The following PCDHGA4 variants were observed in gnomAD, a reference collection of about 807,000 sequenced individuals.
PCDHGA4 encodes the protein protocadherin gamma-A4.
A neutral mutation model predicts 54.6 loss-of-function variants in PCDHGA4; 38 were observed. That is an observed-to-expected ratio of 0.70 (90% CI 0.54 to 0.91). The LOEUF (loss-of-function observed/expected upper bound fraction) is 0.91. Ranked by LOEUF, PCDHGA4 falls within the 40% of genes least tolerant of loss-of-function variation. The probability of loss-of-function intolerance (pLI) is 0.00; values close to 1 mark genes in which losing one functional copy is unlikely to be tolerated. For synonymous variants in PCDHGA4, 511 were observed against 512.9 expected, an observed-to-expected ratio of 1.00 and a Z score of 0.05; for missense variants, 1,298 against 1,220.9, an observed-to-expected ratio of 1.06 and a Z score of -0.94.
chr5:141,384,575 C>A (rs754018989), intron 1 of PCDHGA4: 3 of 1,614,258 alleles, frequency 1.9e-6, no homozygotes, highest in Non-Finnish European at 2.5e-6. Context: ...AATGACAACC[C>A]GCCCGAGATC....
At chr5:141,418,403 G>T in intron 1 of PCDHGA4, 1 of 1,614,000 alleles carries the variant, frequency 6.2e-7, no homozygotes. Context: ...CTCATTGGTG[G>T]AGAAAGACAA....
chr5:141,361,562 C>A (rs1348479180), intron 1 of PCDHGA4: 3 of 1,614,074 alleles, frequency 1.9e-6, no homozygotes, highest in East Asian at 2.2e-5. Flanking sequence ...CAAATCAGTG[C>A]CTCTGACCCT....
intron 1 of PCDHGA4, among the ~76,000 whole-genome samples, chr5:141,368,272 C>G (rs1227481804): frequency 1.3e-5 from 2 of 152,064 alleles, no homozygotes; most frequent in Non-Finnish European, 2.9e-5. Flanking sequence ...ATTAAAGAAC[C>G]TAAGACCACT....
chr5:141,487,438 G>A lies in PCDHGA4; in HGVS notation c.2515-7369G>A, dbSNP rs2154580826. 6 of 1,614,174 alleles carry A rather than the reference G, an allele frequency of 3.7e-6. No individual in the cohort carries two copies. Among genetic ancestry groups the A allele is most frequent in the East Asian group, 2.2e-5 (1 of 44,866 alleles). On this transcript the variant is annotated intron_variant, in intron 1 of 3. Transcript: ENST00000571252. This position sits in a 1 kb window ranked among gnomAD's most constrained non-coding sequence, Gnocchi z 5.0. The stretch of plus-strand genomic sequence containing the variant: ...ATGGGATCCTCCGAATCCAGCTAGG[G>A]TCAGATGACCCTATCAAGTTTGTTG...
At chr5:141,374,611 T>G in intron 1 of PCDHGA4, 1 of 1,613,552 alleles carries the variant, frequency 6.2e-7, no homozygotes, top group East Asian at 2.2e-5. Context: ...GTGGTAATAG[T>G]CACTTCTCAG....
rs145569377 is a variant in PCDHGA4 at position 141,455,860 on chromosome 5, ATTATTTATTTATTTATTTATTTATTTAT to A, written c.2515-38920_2515-38893del. Among the ~76,000 whole-genome samples the A allele has an allele frequency of 5.0e-5, 7 of 139,848 alleles. No individual in the cohort carries two copies. The South Asian group carries it at 9.2e-4, about 18-fold the overall frequency. 91.7% of individuals were successfully genotyped at this position (139,848 alleles called of 152,430 possible). On this transcript the variant is annotated intron_variant, in intron 1 of 3. Transcript: ENST00000571252. ...CTATCTGCATAAAATAATTTCTTTT[ATTATTTATTTATTTATTTATTTATTTAT>A]TTATTTATTTATTTATTTATTTATT...
intron 1 of PCDHGA4, among the ~76,000 whole-genome samples, chr5:141,387,074 C>G (rs1268463514): frequency 6.6e-6 from 1 of 152,172 alleles, no homozygotes. Flanking sequence ...GAGTAGGCTA[C>G]TGCCTGTGAT....
chr5:141,384,503 A>G lies in PCDHGA4; in HGVS notation c.2514+26882A>G, dbSNP rs761415530. 6 of 1,614,192 alleles carry G rather than the reference A, an allele frequency of 3.7e-6. No homozygotes were observed. The highest frequency in any genetic ancestry group is 5.1e-6 in the Non-Finnish European group (6 of 1,180,018). ...GAACTACAACTAAGAGTGACTGCAC[A>G]TGACAGCGGGGACCCGCCTCTCAGC... On this transcript the variant is annotated intron_variant, in intron 1 of 3. Transcript: ENST00000571252.
At chr5:141,403,773 AC>A (rs2094454199) in intron 1 of PCDHGA4, 1 of 1,613,838 alleles carries the variant, frequency 6.2e-7, no homozygotes, top group South Asian at 1.1e-5. Flanking sequence ...GAGGGAATCA[AC>A]GGAAAAGTGG....
intron 1 of PCDHGA4, chr5:141,478,025 A>G (rs939969624): frequency 1.9e-6 from 3 of 1,614,146 alleles, no homozygotes; most frequent in Non-Finnish European, 2.5e-6. Flanking sequence ...AGTCCAAGAC[A>G]CAGATTCACC....
intron 1 of PCDHGA4, among the ~76,000 whole-genome samples, chr5:141,471,999 T>C (rs577046645): frequency 3.9e-5 from 6 of 152,230 alleles, no homozygotes; most frequent in Admixed American, 2.0e-4. Flanking sequence ...AATCCCTGCA[T>C]CGTATAGGGG....
At chr5:141,395,220 G>A (rs1331532806) in intron 1 of PCDHGA4, 1 of 1,611,732 alleles carries the variant, frequency 6.2e-7, no homozygotes, top group Non-Finnish European at 8.5e-7. Flanking sequence ...ATATAAGAAT[G>A]AAGCTGATCA....
intron 1 of PCDHGA4, chr5:141,365,836 C>T: frequency 6.2e-7 from 1 of 1,613,976 alleles, no homozygotes; most frequent in Non-Finnish European, 8.5e-7. Flanking sequence ...CGCCCTTGTC[C>T]TCCTATGTAT....
intron 1 of PCDHGA4, chr5:141,383,844 T>C (rs569088165): frequency 2.5e-6 from 4 of 1,613,924 alleles, no homozygotes; most frequent in Non-Finnish European, 3.4e-6. Context: ...CTGCCTTCTA[T>C]GAAATGGAGG....
At chr5:141,480,702 C>T (rs1455955207) in intron 1 of PCDHGA4, among the ~76,000 whole-genome samples, 1 of 152,170 alleles carries the variant, frequency 6.6e-6, no homozygotes, top group African/African-American at 2.4e-5. Context: ...AGGCCACACC[C>T]CGACAAATGA....
intron 1 of PCDHGA4, among the ~76,000 whole-genome samples, chr5:141,473,107 C>A (rs2099314182): frequency 6.6e-6 from 1 of 152,134 alleles, no homozygotes; most frequent in Admixed American, 6.5e-5. Flanking sequence ...TATTACCACA[C>A]TTTACTTGGC....
At chr5:141,394,378 A>G (rs373024642) in intron 1 of PCDHGA4, 91 of 1,614,090 alleles carry the variant, frequency 5.6e-5, no homozygotes, top group Non-Finnish European at 6.9e-5. Flanking sequence ...TCTTTCGACT[A>G]TGAGCAGATC....
At chr5:141,448,223 T>C (rs1377619033) in intron 1 of PCDHGA4, among the ~76,000 whole-genome samples, 1 of 152,204 alleles carries the variant, frequency 6.6e-6, no homozygotes, top group Non-Finnish European at 1.5e-5. Context: ...TGCGAATGTA[T>C]GTGTGGGGTT....
intron 1 of PCDHGA4, chr5:141,427,201 A>G (rs1272966114): frequency 4.4e-6 from 2 of 456,618 alleles, no homozygotes; most frequent in African/African-American, 4.0e-5. Flanking sequence ...GACTTAATAG[A>G]CTTCGAATTT....
Sources: allele counts gnomAD v4.1 joint callset (sites outside exome capture counted in the v4.1 genomes callset), GRCh38; gene constraint gnomAD v4.1.1; non-coding constraint Gnocchi (gnomAD v3.1); transcripts MANE v1.5; gene names NCBI Gene and HGNC (gene_info 2026-07-23, HGNC 2026-07-21).